The following DDRGK1 variants were observed in gnomAD, a reference collection of about 807,000 sequenced individuals.
DDRGK1 encodes DDRGK domain containing 1.
A neutral mutation model predicts 45.8 loss-of-function variants in DDRGK1; 38 were observed. That is an observed-to-expected ratio of 0.83 (90% confidence interval 0.64 to 1.09). The LOEUF (loss-of-function observed/expected upper bound fraction) is 1.09. DDRGK1 is among the 50% of genes least tolerant of loss of function. DDRGK1 has a pLI of 0.00. For synonymous variants in DDRGK1, 171 were observed against 168.7 expected (o/e 1.01, Z -0.11); for missense variants, 403 against 419.9 (o/e 0.96, Z 0.35).
Position 3,190,685 on chromosome 20 carries a change from C to T in DDRGK1, c.913G>A (p.Gly305Ser). 6.2e-7 allele frequency: 1 copy of T among 1,613,918 alleles called. No individual in the cohort carries two copies. The highest frequency in any genetic ancestry group is 8.5e-7 in the Non-Finnish European group (1 of 1,179,944). The change falls in exon 9 of 9, where the codon GGC becomes AGC. Residue 305 changes from glycine (G) to serine (S), a missense_variant. Transcript: ENST00000354488. ...AQASNSLIAW[G>S]RESPAQAPA ...GGGGCTTGGGCAGGGGACTCCCGGC[C>T]CCAGGCGATGAGGGAGTTGCTGGCT...
At chr20:3,195,381 T>C (rs1447362670) in intron 4 of DDRGK1, 28 bp from the exon 5 acceptor site, 1 of 1,569,158 alleles carries the variant, frequency 6.4e-7, no homozygotes, top group South Asian at 1.2e-5. Flanking sequence ...AAAAGTCAGG[T>C]ATCGGGGGCA....
In DDRGK1 at chr20:3,200,036, C is replaced by A; in HGVS notation, c.475G>T (p.Glu159Ter). 6.2e-7 allele frequency: 1 copy of A among 1,613,880 alleles called. No homozygotes were observed. The highest frequency in any genetic ancestry group is 8.5e-7 in the Non-Finnish European group (1 of 1,179,986). The change falls in exon 4 of 9, where the codon GAG (glutamate) becomes TAG (stop). Residue 159 changes from glutamate (E) to a stop codon, truncating the protein, a stop_gained. Transcript: ENST00000354488. LOFTEE classifies it high-confidence loss of function. ...ESQREAEWKK[E>*]EERLRLEEEQ... is the part of the protein sequence containing the mutation. ...TCCTCCAGGCGAAGCCGCTCCTCCT[C>A]CTTCTTCCACTCAGCTTCGCGCTGG...
At position 3,200,035 on chromosome 20, in the gene DDRGK1, T is replaced by C; in HGVS notation, c.476A>G (p.Glu159Gly). ...ESQREAEWKK[E>G]EERLRLEEEQ... is the part of the protein sequence containing the mutation. ...CTCCTCCAGGCGAAGCCGCTCCTCC[T>C]CCTTCTTCCACTCAGCTTCGCGCTG... Residue 159 changes from glutamate to glycine, a missense_variant, in exon 4 of 9, where the codon GAG becomes GGG. Transcript: ENST00000354488. 1.9e-6 allele frequency: 3 copies of C among 1,613,834 alleles called. No homozygotes were observed. Among genetic ancestry groups the C allele is most frequent in the Non-Finnish European group, 2.5e-6 (3 of 1,179,970 alleles).
At chr20:3,197,179 C>T (rs1374478424) in intron 4 of DDRGK1, among the ~76,000 whole-genome samples, 2 of 138,322 alleles carry the variant, frequency 1.4e-5, no homozygotes, top group East Asian at 2.3e-4. Flanking sequence ...GCCCAGATTG[C>T]GCCACTGGAC....
intron 1 of DDRGK1, among the ~76,000 whole-genome samples, chr20:3,203,953 G>A (rs918506990): frequency 6.6e-6 from 1 of 152,208 alleles, no homozygotes; most frequent in Admixed American, 6.5e-5. Context: ...CCAGAAATGG[G>A]GGGAAAGAGG....
At chr20:3,195,742 G>C (rs1228034116) in intron 4 of DDRGK1, among the ~76,000 whole-genome samples, 1 of 151,916 alleles carries the variant, frequency 6.6e-6, no homozygotes. Flanking sequence ...TGTGAACCCT[G>C]CATTTCCTCA....
chr20:3,192,718 C>T (rs183845276), intron 6 of DDRGK1, among the ~76,000 whole-genome samples: 30 of 152,338 alleles, frequency 2.0e-4, no homozygotes, highest in Admixed American at 5.9e-4. Context: ...CACCTGCCCC[C>T]ACTACCCCAA....
chr20:3,200,192 C>T, intron 3 of DDRGK1, 90 bp from the exon 4 acceptor site: 2 of 1,508,944 alleles, frequency 1.3e-6, no homozygotes, highest in Non-Finnish European at 1.8e-6. Context: ...AATGCCTGGG[C>T]CAGGGCACAG....
intron 1 of DDRGK1, 143 bp downstream of exon 1, chr20:3,204,394 C>A (rs1021463190): frequency 1.1e-5 from 9 of 808,468 alleles, no homozygotes; most frequent in Non-Finnish European, 1.7e-5. Context: ...GAAGCCCCAC[C>A]CGGCACACGA....
Position 3,191,214 on chromosome 20 carries a change from G to C in DDRGK1, c.754C>G (p.Leu252Val), listed in dbSNP as rs1240721893. The C allele has an allele frequency of 6.2e-7, 1 of 1,614,222 alleles. No homozygotes were observed. The highest frequency in any genetic ancestry group is 1.7e-5 in the Admixed American group (1 of 60,022). ...CCTGTTATAGTCCCCTCAGCCAGCA[G>C]GTCCTGGATGCGATTTATGGTGTCC... ...TQDTINRIQD[L>V]LAEGTITGVI... The change falls in exon 8 of 9, where the codon CTG becomes GTG. Residue 252 changes from leucine (L) to valine (V), a missense_variant. By Grantham distance (32) the Leu-to-Val change is conservative (BLOSUM62 1). Transcript: ENST00000354488.
intron 2 of DDRGK1, among the ~76,000 whole-genome samples, 161 bp from the exon 3 acceptor site, chr20:3,200,615 G>A (rs1329015493): frequency 6.6e-6 from 1 of 152,156 alleles, no homozygotes; most frequent in Non-Finnish European, 1.5e-5. Flanking sequence ...TGCCATGAGT[G>A]CGTGTGTGTG....
intron 7 of DDRGK1, 64 bp from the exon 8 acceptor site, chr20:3,191,302 C>G: frequency 6.5e-7 from 1 of 1,545,608 alleles, no homozygotes; most frequent in East Asian, 2.2e-5. Context: ...AGCACTGAAA[C>G]CTCCCTCCCA....
At chr20:3,202,233 T>A (rs1373002595) in intron 2 of DDRGK1, among the ~76,000 whole-genome samples, 1 of 149,360 alleles carries the variant, frequency 6.7e-6, no homozygotes. Context: ...GAATTACAGG[T>A]GTGAGCCACC....
Position 3,194,746 on chromosome 20 carries a change from T to C in DDRGK1, c.672+84A>G, listed in dbSNP as rs2067002651. On this transcript the variant is annotated intron_variant, in intron 6 of 8. Transcript: ENST00000354488. ...CACTCCTGCATGAGCCTGAATGCCC[T>C]GCCTGCAGCCCCCGCTGGAGGCATC... 4.4e-6 allele frequency: 7 copies of C among 1,574,688 alleles called. No homozygotes were observed. In the African/African-American group the frequency reaches 9.5e-5, roughly 21 times the overall value.
At chr20:3,196,771 C>G (rs2067012786) in intron 4 of DDRGK1, among the ~76,000 whole-genome samples, 1 of 152,044 alleles carries the variant, frequency 6.6e-6, no homozygotes, top group Non-Finnish European at 1.5e-5. Flanking sequence ...AAACTAAGTG[C>G]TCAAAAAACA....
At chr20:3,199,000 A>T (rs6076490) in intron 4 of DDRGK1, among the ~76,000 whole-genome samples, 16,759 of 148,442 alleles carry the variant, frequency 0.11, 1,358 homozygotes, top group Non-Finnish European at 0.17. Context: ...AAAAAAAATT[A>T]GCCAGGCATG....
chr20:3,199,963 G>A, intron 4 of DDRGK1, 38 bp downstream of exon 4: 1 of 1,553,854 alleles, frequency 6.4e-7, no homozygotes, highest in Admixed American at 1.9e-5. Flanking sequence ...TGCCTTGCCT[G>A]GTCAAGGGTC....
At position 3,200,072 on chromosome 20, in the gene DDRGK1, G is replaced by A. The variant is rs373207564; in HGVS notation, c.439C>T (p.Arg147Ter). ...AEEAEREERK[R>*]LESQREAEWK... Reference sequence around the variant, plus strand: ...TCAGCTTCGCGCTGGGACTCGAGTCGTTTCCGCTCCTCACGTTCAGCCTCC... The same window carrying A: ...TCAGCTTCGCGCTGGGACTCGAGTCATTTCCGCTCCTCACGTTCAGCCTCC... The change falls in exon 4 of 9, where the codon CGA becomes TGA. Residue 147 changes from arginine (R) to a stop codon, truncating the protein, a stop_gained. Transcript: ENST00000354488. LOFTEE classifies it high-confidence loss of function. The A allele has an allele frequency of 1.1e-5, 18 of 1,613,742 alleles. No individual in the cohort carries two copies. Among genetic ancestry groups the A allele is most frequent in the South Asian group, 2.2e-5 (2 of 91,062 alleles).
At chr20:3,201,941 C>G (rs747367254) in intron 2 of DDRGK1, among the ~76,000 whole-genome samples, 2 of 142,964 alleles carry the variant, frequency 1.4e-5, no homozygotes, top group African/African-American at 5.2e-5. Flanking sequence ...GGATTACAGG[C>G]GTGAGCCACC....
Sources: gnomAD v4.1 joint callset for allele counts (sites outside exome capture counted in the v4.1 genomes callset) on GRCh38, gnomAD v4.1.1 for gene constraint, MANE v1.5 for transcripts, NCBI Gene and HGNC (gene_info 2026-07-23, HGNC 2026-07-21) for gene names.